Variants in NRXN1 observed in about 807,000 individuals in gnomAD.
NRXN1 encodes neurexin-1.
Under a neutral mutation model 150.9 loss-of-function variants are expected in NRXN1, and 39 were observed. The observed-to-expected ratio is 0.26, with a 90% CI of 0.20 to 0.34. NRXN1 has a LOEUF of 0.34. Ranked by LOEUF, NRXN1 falls within the 10% of genes least tolerant of loss-of-function variation. The pLI is 1.00. For synonymous variants in NRXN1, 924 were observed against 757.0 expected (o/e 1.22, Z -3.62); for missense variants, 1,815 against 1,949.9 (o/e 0.93, Z 1.30).
chr2:50,538,222 G>A, intron 10 of NRXN1, 31 bp downstream of exon 10: 2 of 1,589,228 alleles, frequency 1.3e-6, no homozygotes, highest in Non-Finnish European at 1.7e-6. Flanking sequence ...TTCATCTCAG[G>A]GAGTTGGCTG....
intron 18 of NRXN1, among the ~76,000 whole-genome samples, chr2:50,231,853 ATATATCT>A (rs59540286): frequency 0.22 from 33,131 of 151,932 alleles, 4,060 homozygotes; most frequent in African/African-American, 0.33. Flanking sequence ...AAATTTCTAG[ATATATCT>A]TATATAATAT....
chr2:50,414,316 T>C (rs1485357124), intron 17 of NRXN1, among the ~76,000 whole-genome samples: 1 of 152,098 alleles, frequency 6.6e-6, no homozygotes, highest in Admixed American at 6.6e-5. Flanking sequence ...ACACCTGCTA[T>C]GTAGTCCATA....
chr2:50,018,256 T>C (rs1179308413), intron 21 of NRXN1, among the ~76,000 whole-genome samples: 1 of 152,178 alleles, frequency 6.6e-6, no homozygotes, highest in Non-Finnish European at 1.5e-5. Context: ...CCATCATTTA[T>C]AGGGCGGGTT....
At position 50,881,958 on chromosome 2, in the gene NRXN1, G is replaced by A. The variant is rs1266722943; in HGVS notation, c.832+39911C>T. On this transcript the variant is annotated intron_variant, in intron 5 of 22. Transcript: ENST00000401669. ...ATAAACGCAAAAATAGCAATTGAAG[G>A]GGGAGGGAGCGAAAATTCTGTCCTA... 3.3e-5 allele frequency among the ~76,000 whole-genome samples: 5 copies of A among 151,692 alleles called. No individual in the cohort carries two copies. In the Admixed American group the frequency reaches 3.3e-4, roughly 10 times the overall value.
chr2:50,356,071 A>T (rs552854861), intron 17 of NRXN1, among the ~76,000 whole-genome samples: 1 of 152,170 alleles, frequency 6.6e-6, no homozygotes, highest in East Asian at 1.9e-4. Flanking sequence ...CTTCAAAAAA[A>T]AAAAGAAAGT....
intron 21 of NRXN1, among the ~76,000 whole-genome samples, chr2:49,999,377 C>A (rs1683531139): frequency 6.6e-6 from 1 of 152,120 alleles, no homozygotes; most frequent in South Asian, 2.1e-4. Context: ...CATTTAATTT[C>A]TTCCTCTCTT....
intron 17 of NRXN1, among the ~76,000 whole-genome samples, chr2:50,379,741 C>T (rs1187076768): frequency 6.6e-6 from 1 of 152,106 alleles, no homozygotes; most frequent in Admixed American, 6.5e-5. Flanking sequence ...GAAATCTCCA[C>T]AAACAGTGTA....
chr2:50,462,032 C>A (rs762883324), intron 17 of NRXN1, among the ~76,000 whole-genome samples: 1 of 151,858 alleles, frequency 6.6e-6, no homozygotes, highest in African/African-American at 2.4e-5. Flanking sequence ...GGGGTCAGAC[C>A]ATTGAGGTCC....
In NRXN1 at chr2:50,352,879, GA is replaced by G. The variant is rs200996747; in HGVS notation, c.3364+112562del. On this transcript the variant is annotated intron_variant, in intron 17 of 22. Transcript: ENST00000401669. ...ATTCAGATGATAAACTTGTGTTACA[GA>G]AAAGTCAGGTTTATTTATGAAGTGT... Among the ~76,000 whole-genome samples the G allele has an allele frequency of 2.1e-3, 326 of 151,674 alleles. 11 individuals carry two copies. In the East Asian group the frequency reaches 0.055, roughly 26 times the overall value.
At chr2:50,706,226 G>T (rs1025352072) in intron 5 of NRXN1, among the ~76,000 whole-genome samples, 4 of 152,126 alleles carry the variant, frequency 2.6e-5, no homozygotes, top group African/African-American at 9.7e-5. Flanking sequence ...TTTAAGTAAT[G>T]TAAGTGAACT....
chr2:50,165,881 G>A (rs2059650652), intron 18 of NRXN1, among the ~76,000 whole-genome samples: 3 of 151,962 alleles, frequency 2.0e-5, no homozygotes, highest in Admixed American at 2.0e-4. Flanking sequence ...TATATTCTTA[G>A]GACAGCTGGA....
At chr2:50,003,248 T>C (rs934865222) in intron 21 of NRXN1, among the ~76,000 whole-genome samples, 1 of 152,112 alleles carries the variant, frequency 6.6e-6, no homozygotes, top group Non-Finnish European at 1.5e-5. Flanking sequence ...ATCAGAGGCT[T>C]GGGGAAGAGA....
In NRXN1 at chr2:49,919,304, G is replaced by GA. The variant is rs1243268013; in HGVS notation, c.*2639dup. ...TCCTCTCTTTTCTTTTTCCATTGAG[G>GA]AAAAAATAATTTTTGCTAGAGTTTG... On this transcript the variant is annotated 3_prime_UTR_variant, in exon 23 of 23. Transcript: ENST00000401669. The GA allele has an allele frequency of 6.6e-6, 1 of 151,766 alleles. No individual in the cohort carries two copies. Among genetic ancestry groups the GA allele is most frequent in the African/African-American group, 2.4e-5 (1 of 41,348 alleles). The allele number at this position is 151,766 out of a possible 1,614,324, so 9.4% of individuals were successfully genotyped here.
chr2:50,035,485 C>T (rs1390169775), intron 21 of NRXN1, among the ~76,000 whole-genome samples: 1 of 151,916 alleles, frequency 6.6e-6, no homozygotes, highest in Non-Finnish European at 1.5e-5. Context: ...GGAATGTGAA[C>T]AATAAAAAGC....
intron 5 of NRXN1, among the ~76,000 whole-genome samples, chr2:50,645,723 G>T (rs1400273727): frequency 6.6e-6 from 1 of 151,874 alleles, no homozygotes; most frequent in Non-Finnish European, 1.5e-5. Flanking sequence ...AAATATTAAT[G>T]AAATTTTATA....
intron 1 of NRXN1, 146 bp from the exon 2 acceptor site, chr2:51,029,340 C>A (rs1247313773): frequency 4.6e-5 from 7 of 152,200 alleles, no homozygotes; most frequent in Middle Eastern, 3.2e-3. Context: ...GTTATCCTCA[C>A]TACAAGTAAG....
chr2:50,349,129 A>T (rs2078242457), intron 17 of NRXN1, among the ~76,000 whole-genome samples: 1 of 152,254 alleles, frequency 6.6e-6, no homozygotes, highest in Non-Finnish European at 1.5e-5. Context: ...GCAATCACAC[A>T]TGTCACATTC....
At chr2:50,709,840 T>C (rs910277460) in intron 5 of NRXN1, among the ~76,000 whole-genome samples, 5 of 152,144 alleles carry the variant, frequency 3.3e-5, no homozygotes, top group African/African-American at 1.2e-4. Flanking sequence ...AGGCCAACAC[T>C]TGACATATCA....
chr2:50,617,660 G>A (rs897879095), intron 8 of NRXN1, among the ~76,000 whole-genome samples: 2 of 152,124 alleles, frequency 1.3e-5, no homozygotes, highest in African/African-American at 4.8e-5. Context: ...ACCCTATAGT[G>A]ACAACAGCAC....
Sources: gnomAD v4.1 joint callset for allele counts (sites outside exome capture counted in the v4.1 genomes callset) on GRCh38, gnomAD v4.1.1 for gene constraint, MANE v1.5 for transcripts, NCBI Gene and HGNC (gene_info 2026-07-23, HGNC 2026-07-21) for gene names.